Variants in STK10 observed in about 807,000 individuals in gnomAD.
STK10 encodes the protein serine/threonine-protein kinase 10.
Under a neutral mutation model 113.8 loss-of-function variants are expected in STK10, and 78 were observed. The ratio of observed to expected loss-of-function variants is 0.69; its 90% confidence interval spans 0.57 to 0.83. The LOEUF is 0.83. STK10 is among the 40% of genes least tolerant of loss of function. STK10 has a pLI of 0.00. For synonymous variants in STK10, 465 were observed against 494.7 expected, an observed-to-expected ratio of 0.94 and a Z score of 0.80; for missense variants, 1,109 against 1,280.1, an observed-to-expected ratio of 0.87 and a Z score of 2.04.
At chr5:172,184,885 T>C (rs1187398058) in intron 1 of STK10, among the ~76,000 whole-genome samples, 2 of 152,072 alleles carry the variant, frequency 1.3e-5, no homozygotes, top group Non-Finnish European at 2.9e-5. Context: ...GGTCTCAAAC[T>C]CCTAACCTCA....
At chr5:172,131,478 G>A (rs1769756872) in intron 2 of STK10, among the ~76,000 whole-genome samples, 2 of 152,184 alleles carry the variant, frequency 1.3e-5, no homozygotes, top group Non-Finnish European at 2.9e-5. Flanking sequence ...GAAAGCTCGT[G>A]CATTCTGACA....
rs530774711 is a variant in STK10 at position 172,179,846 on chromosome 5, A to T, written c.156+8041T>A. Among the ~76,000 whole-genome samples the T allele has an allele frequency of 4.7e-3, 716 of 152,320 alleles. 2 individuals are homozygous for T. The highest frequency in any genetic ancestry group is 8.6e-3 in the Non-Finnish European group (586 of 68,020). On this transcript the variant is annotated intron_variant, in intron 1 of 18. Transcript: ENST00000176763. The stretch of plus-strand genomic sequence containing the variant: ...CCAAGCTTTCAAACTAGTAGGCAGG[A>T]GAGGAGGTGAAAGGAGAAGACTCTG...
At chr5:172,156,041 G>A (rs1043296017) in intron 2 of STK10, among the ~76,000 whole-genome samples, 2 of 151,950 alleles carry the variant, frequency 1.3e-5, no homozygotes, top group Non-Finnish European at 2.9e-5. Context: ...TTTGGAAGAT[G>A]GCGCTTGAAG....
intron 10 of STK10, among the ~76,000 whole-genome samples, chr5:172,086,160 C>T (rs1581147923): frequency 6.6e-6 from 1 of 152,174 alleles, no homozygotes; most frequent in East Asian, 1.9e-4. Context: ...TGAGATGACA[C>T]AGGTAAAGTG....
Position 172,057,523 on chromosome 5 carries a change from C to T in STK10, c.2213-50G>A, listed in dbSNP as rs142757747. On this transcript the variant is annotated intron_variant, in intron 14 of 18. Coordinates refer to ENST00000176763, the MANE Select transcript of STK10 (RefSeq NM_005990.4). ...GGTGAGGTGCTGACAACCAGAGACT[C>T]GACAGGCCCCCTGCCCCCCACCTCT... The T allele has an allele frequency of 3.0e-4, 451 of 1,527,406 alleles. 1 individual carries two copies. The African/African-American group carries it at 4.4e-3, about 15-fold the overall frequency. The allele number at this position is 1,527,406 out of a possible 1,614,324, so 94.6% of individuals were successfully genotyped here.
chr5:172,146,627 C>A (rs1012784774), intron 2 of STK10, among the ~76,000 whole-genome samples: 2 of 152,228 alleles, frequency 1.3e-5, no homozygotes, highest in Non-Finnish European at 2.9e-5. Flanking sequence ...GGGGCAGCCA[C>A]ACCCAGCCTG....
At chr5:172,056,983 G>GAA (rs879428432) in intron 15 of STK10, 1 of 101,780 alleles carries the variant, frequency 9.8e-6, no homozygotes, top group African/African-American at 4.4e-5. Context: ...AAGAAAGAAA[G>GAA]AAAGAAAGAA....
At position 172,133,953 on chromosome 5, in the gene STK10, A is replaced by G. The variant is rs1769805182; in HGVS notation, c.322-6532T>C. Among the ~76,000 whole-genome samples, 1 of 152,194 alleles carries G rather than the reference A, an allele frequency of 6.6e-6. No homozygotes were observed. Among genetic ancestry groups the G allele is most frequent in the Admixed American group, 6.6e-5 (1 of 15,264 alleles). On this transcript the variant is annotated intron_variant, in intron 2 of 18. Transcript: ENST00000176763. This position sits in a 1 kb window ranked among gnomAD's most constrained non-coding sequence, Gnocchi z 4.9. ...TGAACGTTCAGCAGAGTGCTTGTTA[A>G]AACAGATCACTGGGTCCCACTCCAG...
At chr5:172,045,115 CT>C in intron 18 of STK10, 93 bp from the exon 19 acceptor site, 1 of 1,539,296 alleles carries the variant, frequency 6.5e-7, no homozygotes, top group Admixed American at 1.8e-5. Flanking sequence ...ATGGCCTTCT[CT>C]GGAACATTCC....
intron 12 of STK10, among the ~76,000 whole-genome samples, chr5:172,067,370 A>AGAAT (rs1328675668): frequency 9.1e-6 from 1 of 110,378 alleles, no homozygotes; most frequent in Non-Finnish European, 1.8e-5. Context: ...ATAAATAAAT[A>AGAAT]GAATAAATAA....
chr5:172,178,000 G>T (rs112378743), intron 1 of STK10, among the ~76,000 whole-genome samples: 30,639 of 152,008 alleles, frequency 0.2, 3,165 homozygotes, highest in Middle Eastern at 0.25. Context: ...AGCTAATTTT[G>T]TATTTTTAGT....
chr5:172,077,626 C>T (rs9313575), intron 12 of STK10, among the ~76,000 whole-genome samples: 25,646 of 152,174 alleles, frequency 0.17, 2,407 homozygotes, highest in African/African-American at 0.24. Context: ...GTTCAACTAC[C>T]TTGCTAATAA....
At chr5:172,177,833 G>A (rs1464103819) in intron 1 of STK10, among the ~76,000 whole-genome samples, 1 of 151,998 alleles carries the variant, frequency 6.6e-6, no homozygotes, top group African/African-American at 2.4e-5. Flanking sequence ...TTTTTGTTTT[G>A]TTTTGTTTTG....
intron 2 of STK10, among the ~76,000 whole-genome samples, chr5:172,142,068 G>A (rs1769984075): frequency 6.6e-6 from 1 of 152,208 alleles, no homozygotes; most frequent in Non-Finnish European, 1.5e-5. Flanking sequence ...TTCACATTCA[G>A]GAGGCCAATC....
intron 2 of STK10, among the ~76,000 whole-genome samples, chr5:172,145,029 G>C (rs990981827): frequency 4.6e-5 from 7 of 152,156 alleles, no homozygotes; most frequent in Admixed American, 4.6e-4. Context: ...AGTCCCCTGA[G>C]CTTGAGTCCA....
chr5:172,069,159 G>A (rs1477537208), intron 12 of STK10, among the ~76,000 whole-genome samples: 1 of 149,566 alleles, frequency 6.7e-6, no homozygotes, highest in African/African-American at 2.5e-5. Flanking sequence ...GGGAAGAGAG[G>A]AACAAAAACC....
At chr5:172,153,241 G>A (rs988463992) in intron 2 of STK10, among the ~76,000 whole-genome samples, 5 of 148,792 alleles carry the variant, frequency 3.4e-5, no homozygotes, top group African/African-American at 1.0e-4. Context: ...AGCTGAAATC[G>A]CGCCATTGCA....
chr5:172,052,782 C>T, intron 18 of STK10, 147 bp downstream of exon 18: 1 of 715,704 alleles, frequency 1.4e-6, no homozygotes, highest in Non-Finnish European at 2.3e-6. Context: ...TAGAAAGTTC[C>T]CCTCTCTCTC....
At chr5:172,160,836 G>A (rs984226555) in intron 1 of STK10, among the ~76,000 whole-genome samples, 2 of 152,158 alleles carry the variant, frequency 1.3e-5, no homozygotes, top group Non-Finnish European at 2.9e-5. Flanking sequence ...ATTGGAACTA[G>A]GGGAGTGGCA....
Sources: allele counts gnomAD v4.1 joint callset (sites outside exome capture counted in the v4.1 genomes callset), GRCh38; gene constraint gnomAD v4.1.1; non-coding constraint Gnocchi (gnomAD v3.1); transcripts MANE v1.5; gene names NCBI Gene and HGNC (gene_info 2026-07-23, HGNC 2026-07-21).